Variants in C12orf42 observed in about 807,000 individuals in gnomAD.
The protein encoded by C12orf42 is chromosome 12 open reading frame 42, also known as uncharacterized protein C12orf42.
A neutral mutation model predicts 21.6 loss-of-function variants in C12orf42; 25 were observed. The ratio of observed to expected loss-of-function variants is 1.16; its 90% CI spans 0.84 to 1.62. The LOEUF (loss-of-function observed/expected upper bound fraction) is 1.62, where lower values mean the gene tolerates loss of function less well. C12orf42 is among the 40% of genes most tolerant of loss of function. C12orf42 has a pLI of 0.00. For synonymous variants in C12orf42, 174 were observed against 175.0 expected (o/e 0.99, Z 0.05); for missense variants, 483 against 459.3 (o/e 1.05, Z -0.47).
At chr12:103,240,340 C>T (rs141422363) in intron 10 of C12orf42, among the ~76,000 whole-genome samples, 2 of 152,258 alleles carry the variant, frequency 1.3e-5, no homozygotes, top group African/African-American at 4.8e-5. Flanking sequence ...ATGGGTTCAA[C>T]ATCAGCTCTA....
At chr12:103,381,168 TC>T (rs1365868112) in intron 3 of C12orf42, among the ~76,000 whole-genome samples, 1 of 152,134 alleles carries the variant, frequency 6.6e-6, no homozygotes, top group Non-Finnish European at 1.5e-5. Context: ...CACTAACAAC[TC>T]CCCAACATTG....
chr12:103,410,062 G>A (rs2048715486), intron 2 of C12orf42, among the ~76,000 whole-genome samples: 1 of 152,092 alleles, frequency 6.6e-6, no homozygotes. Context: ...CAGAATCTGG[G>A]GCCCAGAATA....
intron 4 of C12orf42, among the ~76,000 whole-genome samples, chr12:103,329,932 T>A (rs1442802051): frequency 6.6e-6 from 1 of 152,052 alleles, no homozygotes; most frequent in African/African-American, 2.4e-5. Flanking sequence ...GTATTATAAC[T>A]ATAATAATAC....
the C12orf42 span, among the ~76,000 whole-genome samples, chr12:103,160,620 A>G: frequency 1.3e-5 from 2 of 152,192 alleles, no homozygotes; most frequent in South Asian, 4.1e-4. Context: ...ATTTGCTAAT[A>G]AAACCCCTTG....
intron 2 of C12orf42, among the ~76,000 whole-genome samples, chr12:103,413,860 T>C (rs1340502606): frequency 6.6e-6 from 1 of 152,224 alleles, no homozygotes; most frequent in Non-Finnish European, 1.5e-5. Flanking sequence ...TGTGTGTATG[T>C]GTATATTATA....
At chr12:103,238,440 C>T (rs1277713148) in intron 10 of C12orf42, among the ~76,000 whole-genome samples, 1 of 152,110 alleles carries the variant, frequency 6.6e-6, no homozygotes, top group African/African-American at 2.4e-5. Context: ...GAATCTCAGG[C>T]CTACTGTACC....
chr12:103,339,807 T>G (rs889767277), intron 4 of C12orf42, among the ~76,000 whole-genome samples: 1 of 152,226 alleles, frequency 6.6e-6, no homozygotes, highest in African/African-American at 2.4e-5. Context: ...TCTAACAAGA[T>G]CATAGCATTT....
At chr12:103,393,280 C>T (rs899645637) in intron 3 of C12orf42, among the ~76,000 whole-genome samples, 3 of 151,976 alleles carry the variant, frequency 2.0e-5, no homozygotes, top group East Asian at 1.9e-4. Context: ...GAAGGGGAAG[C>T]GGGAACAAGC....
At chr12:103,064,874 A>C in the C12orf42 span, among the ~76,000 whole-genome samples, 1 of 152,178 alleles carries the variant, frequency 6.6e-6, no homozygotes, top group South Asian at 2.1e-4. Context: ...TCAGGTAATT[A>C]ATGGAGTTTT....
At chr12:103,126,906 T>C in the C12orf42 span, among the ~76,000 whole-genome samples, 1 of 152,044 alleles carries the variant, frequency 6.6e-6, no homozygotes, top group Non-Finnish European at 1.5e-5. Flanking sequence ...CAAATGAAAA[T>C]AAGCAAAGAA....
intron 6 of C12orf42, among the ~76,000 whole-genome samples, chr12:103,269,385 G>T (rs1212897948): frequency 6.6e-6 from 1 of 152,072 alleles, no homozygotes; most frequent in Non-Finnish European, 1.5e-5. Context: ...CAGATCAATC[G>T]CATTGACAGG....
At chr12:103,466,592 ATCTTCCTC>A (rs1229990449) in intron 2 of C12orf42, among the ~76,000 whole-genome samples, 2 of 151,576 alleles carry the variant, frequency 1.3e-5, no homozygotes, top group Admixed American at 6.6e-5. Flanking sequence ...TCTCCTCTCC[ATCTTCCTC>A]TCTTCCTCTC....
At chr12:103,499,166 C>G (rs10861030), upstream of C12orf42, among the ~76,000 whole-genome samples, 126,000 of 151,800 alleles carry the variant, frequency 0.83, 52,329 homozygotes, top group East Asian at 0.91. Context: ...GTTACAAGAT[C>G]AGCAAGTTCT....
intron 2 of C12orf42, among the ~76,000 whole-genome samples, chr12:103,427,490 A>G (rs1244369976): frequency 6.6e-6 from 1 of 152,164 alleles, no homozygotes; most frequent in Non-Finnish European, 1.5e-5. Context: ...AAGTTCTTAG[A>G]GACCTACAAG....
intron 2 of C12orf42, among the ~76,000 whole-genome samples, chr12:103,434,576 T>C (rs958537285): frequency 3.9e-5 from 6 of 152,082 alleles, no homozygotes; most frequent in African/African-American, 1.4e-4. Context: ...GGGCGAGGCA[T>C]TGCCTCACCT....
At chr12:103,066,558 T>C in the C12orf42 span, among the ~76,000 whole-genome samples, 1 of 152,216 alleles carries the variant, frequency 6.6e-6, no homozygotes, top group Non-Finnish European at 1.5e-5. Flanking sequence ...TTCTAGGACA[T>C]CCTTGAAGGA....
chr12:103,338,550 AT>A (rs1274310075), intron 4 of C12orf42, among the ~76,000 whole-genome samples: 2 of 152,260 alleles, frequency 1.3e-5, no homozygotes, highest in African/African-American at 4.8e-5. Context: ...CTTGCAGTGC[AT>A]TTAATCTTTA....
chr12:103,221,343 T>C, the C12orf42 span, among the ~76,000 whole-genome samples: 3 of 152,374 alleles, frequency 2.0e-5, no homozygotes, highest in African/African-American at 7.2e-5. Flanking sequence ...CTCTATGAGA[T>C]GAGCACATTG....
At chr12:103,309,404 T>G (rs910527609) in intron 4 of C12orf42, among the ~76,000 whole-genome samples, 1 of 152,202 alleles carries the variant, frequency 6.6e-6, no homozygotes, top group Non-Finnish European at 1.5e-5. Flanking sequence ...TTAGATTACT[T>G]TATTGTAAGA....
Sources: gnomAD v4.1 joint callset for allele counts (sites outside exome capture counted in the v4.1 genomes callset) on GRCh38, gnomAD v4.1.1 for gene constraint, MANE v1.5 for transcripts, NCBI Gene and HGNC (gene_info 2026-07-23, HGNC 2026-07-21) for gene names.